RBFOX1: variants seen among roughly 807,000 people sequenced by gnomAD.
RBFOX1 encodes RNA binding fox-1 homolog 1, also known as RNA binding protein fox-1 homolog 1.
A neutral mutation model predicts 57.7 loss-of-function variants in RBFOX1; 8 were observed. The observed-to-expected ratio is 0.14, with a 90% confidence interval of 0.08 to 0.25. The LOEUF is 0.25. RBFOX1 is among the 10% of genes least tolerant of loss of function. The pLI, the probability that RBFOX1 is intolerant of heterozygous loss-of-function variation, is 1.00. For synonymous variants in RBFOX1, 326 were observed against 222.4 expected, an observed-to-expected ratio of 1.47 and a Z score of -4.15; for missense variants, 611 against 548.5, an observed-to-expected ratio of 1.11 and a Z score of -1.14.
intron 4 of RBFOX1, among the ~76,000 whole-genome samples, chr16:7,230,620 T>C (rs4786985): frequency 0.67 from 101,596 of 152,010 alleles, 35,652 homozygotes; most frequent in East Asian, 0.96. Flanking sequence ...GCACTACCAC[T>C]AGCTTCTGAT....
At chr16:6,775,526 C>G (rs1334682645) in intron 3 of RBFOX1, among the ~76,000 whole-genome samples, 1 of 152,004 alleles carries the variant, frequency 6.6e-6, no homozygotes, top group East Asian at 1.9e-4. Flanking sequence ...CCAATTATAT[C>G]ATGGAACCAG....
chr16:6,160,763 T>C (rs2096872287), intron 1 of RBFOX1, among the ~76,000 whole-genome samples: 1 of 152,250 alleles, frequency 6.6e-6, no homozygotes, highest in Middle Eastern at 3.4e-3. Context: ...CTAGGAGCCA[T>C]CCTTATTCCA....
At chr16:6,422,457 G>A (rs1439123512) in intron 2 of RBFOX1, among the ~76,000 whole-genome samples, 1 of 151,958 alleles carries the variant, frequency 6.6e-6, no homozygotes, top group African/African-American at 2.4e-5. Context: ...CCATGTATTA[G>A]TTCACTTGTA....
At chr16:7,678,852 A>C (rs866481388) in intron 14 of RBFOX1, among the ~76,000 whole-genome samples, 1 of 152,212 alleles carries the variant, frequency 6.6e-6, no homozygotes, top group African/African-American at 2.4e-5. Flanking sequence ...GTCCCACTGA[A>C]AGATTGCCCT....
At chr16:5,256,197 G>T (rs571478327) in intron 1 of RBFOX1, among the ~76,000 whole-genome samples, 1 of 152,308 alleles carries the variant, frequency 6.6e-6, no homozygotes, top group African/African-American at 2.4e-5. Flanking sequence ...CCATTGAATT[G>T]CTGTTTTAGC....
chr16:6,281,107 A>G (rs1347687531), intron 1 of RBFOX1, among the ~76,000 whole-genome samples: 1 of 151,888 alleles, frequency 6.6e-6, no homozygotes, highest in Non-Finnish European at 1.5e-5. Context: ...TCCAGTGGAA[A>G]GAGCAGTGGA....
chr16:7,041,468 C>G (rs2046166978), intron 3 of RBFOX1, among the ~76,000 whole-genome samples: 2 of 152,130 alleles, frequency 1.3e-5, no homozygotes, highest in African/African-American at 2.4e-5. Context: ...CATTGGCATT[C>G]TTCTCAGTTC....
At chr16:6,205,688 T>C (rs1419932979) in intron 1 of RBFOX1, among the ~76,000 whole-genome samples, 2 of 152,000 alleles carry the variant, frequency 1.3e-5, no homozygotes, top group Non-Finnish European at 2.9e-5. Flanking sequence ...ACATCACTGA[T>C]AGGCACTCTC....
intron 1 of RBFOX1, among the ~76,000 whole-genome samples, chr16:6,296,690 G>T (rs1008930178): frequency 1.3e-5 from 2 of 152,192 alleles, no homozygotes; most frequent in African/African-American, 2.4e-5. Context: ...AAAGTGCTGG[G>T]ATTACAGACG....
At chr16:7,263,829 G>T (rs939969027) in intron 4 of RBFOX1, among the ~76,000 whole-genome samples, 3 of 151,770 alleles carry the variant, frequency 2.0e-5, no homozygotes, top group Admixed American at 2.0e-4. Flanking sequence ...GAACCCAGAA[G>T]GCGGAGGTTG....
chr16:6,181,150 C>T (rs1308419178), intron 1 of RBFOX1, among the ~76,000 whole-genome samples: 1 of 152,192 alleles, frequency 6.6e-6, no homozygotes, highest in Non-Finnish European at 1.5e-5. Context: ...GTCATTGGCT[C>T]TCTCCAGTTT....
chr16:5,993,105 G>A (rs9929481), intron 4 of RBFOX1, among the ~76,000 whole-genome samples: 92,715 of 151,908 alleles, frequency 0.61, 29,060 homozygotes, highest in African/African-American at 0.73. Context: ...GTCTAAAACT[G>A]AAAGAGATAC....
intron 4 of RBFOX1, among the ~76,000 whole-genome samples, chr16:7,225,315 G>A (rs184375326): frequency 6.1e-4 from 93 of 152,162 alleles, no homozygotes; most frequent in Non-Finnish European, 1.1e-3. Context: ...GGAGATAGCC[G>A]AATCATGGGG....
chr16:6,858,196 C>G (rs753573034), intron 3 of RBFOX1, among the ~76,000 whole-genome samples: 8 of 152,162 alleles, frequency 5.3e-5, no homozygotes, highest in Non-Finnish European at 1.0e-4. Flanking sequence ...GTGTCCTTTT[C>G]AAAGTGTTGT....
chr16:5,824,165 G>A (rs1346021137), intron 3 of RBFOX1, among the ~76,000 whole-genome samples: 1 of 152,228 alleles, frequency 6.6e-6, no homozygotes, highest in Non-Finnish European at 1.5e-5. Context: ...AGAAGCCAAG[G>A]ATCAGAATGA....
At chr16:6,330,198 G>A (rs1479453328) in intron 2 of RBFOX1, among the ~76,000 whole-genome samples, 2 of 152,084 alleles carry the variant, frequency 1.3e-5, no homozygotes, top group Non-Finnish European at 1.5e-5. Flanking sequence ...AGTAAAGGAA[G>A]GAGAACTATT....
intron 3 of RBFOX1, among the ~76,000 whole-genome samples, chr16:5,638,799 C>T (rs546156349): frequency 6.6e-6 from 1 of 152,100 alleles, no homozygotes; most frequent in South Asian, 2.1e-4. Flanking sequence ...AAAAGAGCAG[C>T]CTTAAGTTCT....
chr16:5,472,295 C>G (rs955742940), intron 2 of RBFOX1, among the ~76,000 whole-genome samples: 2 of 152,136 alleles, frequency 1.3e-5, no homozygotes, highest in Non-Finnish European at 2.9e-5. Context: ...GCTTGTACAC[C>G]TACTGTGTTC....
intron 4 of RBFOX1, among the ~76,000 whole-genome samples, chr16:5,999,174 C>A (rs1473404295): frequency 6.6e-6 from 1 of 152,166 alleles, no homozygotes; most frequent in African/African-American, 2.4e-5. Flanking sequence ...AGAATGCATG[C>A]CCAGCCTCCT....
Sources: gnomAD v4.1 joint callset for allele counts (sites outside exome capture counted in the v4.1 genomes callset) on GRCh38, gnomAD v4.1.1 for gene constraint, MANE v1.5 for transcripts, NCBI Gene and HGNC (gene_info 2026-07-23, HGNC 2026-07-21) for gene names.